PABIR3: variants seen among roughly 807,000 people sequenced by gnomAD.
The protein encoded by PABIR3 is PABIR family member 1.
PABIR3 carries 20 observed loss-of-function variants against 23.1 expected under a neutral mutation model. The ratio of observed to expected loss-of-function variants is 0.86; its 90% CI spans 0.61 to 1.26. The LOEUF is 1.26. PABIR3 is among the 50% of genes most tolerant of loss of function. PABIR3 has a pLI of 0.00. For missense variants in PABIR3, 189 were observed against 195.4 expected, an observed-to-expected ratio of 0.97 and a Z score of 0.20; for synonymous variants, 69 against 68.5, an observed-to-expected ratio of 1.01 and a Z score of -0.04.
intron 2 of PABIR3, chrX:134,810,627 C>T: frequency 8.0e-6 from 6 of 753,388 alleles, no homozygotes; most frequent in Non-Finnish European, 9.4e-6. Flanking sequence ...AGTAGGATTA[C>T]ACTGAGCCTT....
intron 2 of PABIR3, chrX:134,809,367 G>A (rs181297556): frequency 1.5e-3 from 335 of 226,028 alleles, no homozygotes; most frequent in African/African-American, 4.6e-3. Flanking sequence ...GGGTTTCACC[G>A]TGTTAGCCAG....
chrX:134,798,639 T>G (rs760099960), intron 1 of PABIR3, among the ~76,000 whole-genome samples: 2 of 111,741 alleles, frequency 1.8e-5, no homozygotes, highest in African/African-American at 3.3e-5. Context: ...GGGTGTGGAG[T>G]TGACCCCACC....
chrX:134,827,913 C>T (rs950906458), intron 3 of PABIR3, among the ~76,000 whole-genome samples: 4 of 109,100 alleles, frequency 3.7e-5, no homozygotes, highest in African/African-American at 1.3e-4. Context: ...TGCCATTTGG[C>T]TGTGACCTAG....
intron 1 of PABIR3, among the ~76,000 whole-genome samples, chrX:134,800,980 C>T (rs775373000): frequency 2.8e-4 from 31 of 111,825 alleles, no homozygotes; most frequent in African/African-American, 9.7e-4. Flanking sequence ...GGCAAAAGTA[C>T]CACAAGTATT....
At position 134,814,763 on chromosome X, in the gene PABIR3, C is replaced by G; in HGVS notation, c.111-8C>G. 10 of 1,062,459 alleles carry G rather than the reference C, an allele frequency of 9.4e-6. No homozygotes were observed. The highest frequency in any genetic ancestry group is 3.2e-5 in the East Asian group (1 of 30,935). The allele number at this position is 1,062,459 out of a possible 1,213,427, so 87.6% of individuals were successfully genotyped here. A position where few individuals can be genotyped will look rare whatever the true frequency, so the allele number is the denominator to read the frequency against. ...TTATATAACACATGTTTTTGTTTTT[C>G]TTTTTAGTTTTAATTCACAGGTGTT... is the stretch of plus-strand genomic sequence containing the variant. On this transcript the variant is annotated splice_polypyrimidine_tract_variant and splice_region_variant and intron_variant, in intron 2 of 10. Transcript: ENST00000645433.
chrX:134,809,825 T>C (rs2080531773), intron 2 of PABIR3: 7 of 754,189 alleles, frequency 9.3e-6, no homozygotes, highest in Non-Finnish European at 9.4e-6. Context: ...GCTGATTAAC[T>C]CTAAATGAAT....
At chrX:134,846,211 G>A (rs2082429041) in intron 6 of PABIR3, among the ~76,000 whole-genome samples, 2 of 111,179 alleles carry the variant, frequency 1.8e-5, no homozygotes, top group East Asian at 2.8e-4. Flanking sequence ...TCACTACCAC[G>A]AGAACAGCAT....
intron 3 of PABIR3, among the ~76,000 whole-genome samples, chrX:134,817,636 A>G (rs375416085): frequency 9.1e-6 from 1 of 109,648 alleles, no homozygotes; most frequent in Admixed American, 1.0e-4. Flanking sequence ...AGTGTGGTGT[A>G]TAGATAAAAG....
At chrX:134,842,339 T>C (rs909062742) in intron 4 of PABIR3, among the ~76,000 whole-genome samples, 3 of 112,173 alleles carry the variant, frequency 2.7e-5, no homozygotes, top group African/African-American at 9.7e-5. Flanking sequence ...CTGGGCGCGG[T>C]GGCTCACACC....
chrX:134,862,121 T>C, the PABIR3 span, among the ~76,000 whole-genome samples: 1 of 108,491 alleles, frequency 9.2e-6, no homozygotes, highest in African/African-American at 3.4e-5. Flanking sequence ...ATCTCGTTTT[T>C]GTTTTTTTGT....
Position 134,847,626 on chromosome X carries a change from C to T in PABIR3, c.438+151C>T, listed in dbSNP as rs1227597773. 3 of 472,723 alleles carry T rather than the reference C, an allele frequency of 6.3e-6. No individual in the cohort carries two copies. The Admixed American group carries it at 1.2e-4, about 19-fold the overall frequency. 39.0% of individuals were successfully genotyped at this position (472,723 alleles called of 1,213,427 possible). On this transcript the variant is annotated intron_variant, in intron 7 of 10. Coordinates refer to ENST00000645433, the MANE Select transcript of PABIR3 (RefSeq NM_001388447.1). Reference sequence around the variant, plus strand: ...AACATTTTTCCCTTCTTTTTCATTTCTTCAAGTATTACTTACATGTAATAA... The same window carrying T: ...AACATTTTTCCCTTCTTTTTCATTTTTTCAAGTATTACTTACATGTAATAA...
chrX:134,857,039 A>G (rs2082754079), downstream of PABIR3, among the ~76,000 whole-genome samples: 1 of 112,212 alleles, frequency 8.9e-6, no homozygotes, highest in African/African-American at 3.2e-5. Flanking sequence ...TGGTAAGGCT[A>G]TATTTTGTCT....
intron 4 of PABIR3, chrX:134,834,985 A>C (rs2081925052): frequency 8.9e-6 from 1 of 112,164 alleles, no homozygotes; most frequent in South Asian, 3.7e-4. Flanking sequence ...AAAATGTCCC[A>C]CATTCTGATT....
At chrX:134,856,979 T>C (rs1029475229), downstream of PABIR3, among the ~76,000 whole-genome samples, 1 of 110,406 alleles carries the variant, frequency 9.1e-6, no homozygotes, top group Non-Finnish European at 1.9e-5. Context: ...GCCACTGCAC[T>C]CTAGCCTGGG....
upstream of PABIR3, among the ~76,000 whole-genome samples, chrX:134,806,778 C>CTT (rs755771740): frequency 3.9e-4 from 32 of 82,573 alleles, no homozygotes; most frequent in African/African-American, 1.0e-3. Flanking sequence ...GTAGCAGTAT[C>CTT]TTTTTTTTTT....
intron 1 of PABIR3, chrX:134,799,971 C>T (rs1316959190): frequency 1.9e-5 from 2 of 105,359 alleles, no homozygotes; most frequent in African/African-American, 7.0e-5. Flanking sequence ...AAAAAAAAAT[C>T]CTTTCTCATA....
intron 1 of PABIR3, among the ~76,000 whole-genome samples, chrX:134,799,208 C>A (rs2079996248): frequency 9.0e-6 from 1 of 110,723 alleles, no homozygotes; most frequent in African/African-American, 3.3e-5. Flanking sequence ...TTTTGATTTT[C>A]AAGATGAAAT....
upstream of PABIR3, among the ~76,000 whole-genome samples, chrX:134,804,789 G>A (rs1450019856): frequency 8.9e-6 from 1 of 112,381 alleles, no homozygotes; most frequent in Non-Finnish European, 1.9e-5. Flanking sequence ...CAGACAATTT[G>A]TTTTTTGACT....
intron 3 of PABIR3, among the ~76,000 whole-genome samples, chrX:134,815,979 C>G (rs1253069277): frequency 8.9e-6 from 1 of 112,063 alleles, no homozygotes; most frequent in African/African-American, 3.2e-5. Flanking sequence ...TTGAATCCAG[C>G]CTTGCTGAGT....
Sources: allele counts gnomAD v4.1 joint callset (sites outside exome capture counted in the v4.1 genomes callset), GRCh38; gene constraint gnomAD v4.1.1; transcripts MANE v1.5; gene names NCBI Gene and HGNC (gene_info 2026-07-23, HGNC 2026-07-21).